Variants in STC1 observed in about 807,000 individuals in gnomAD.
STC1 encodes the protein stanniocalcin 1, also known as stanniocalcin-1.
In STC1, 7 loss-of-function variants were observed where a neutral mutation model predicts 22.6. The observed-to-expected ratio is 0.31, with a 90% CI of 0.18 to 0.58. The LOEUF (loss-of-function observed/expected upper bound fraction) is 0.58, where lower values mean the gene tolerates loss of function less well. Among genes scored for constraint, STC1 ranks in the 20% least tolerant of loss-of-function variants. The pLI is 0.89. For missense variants in STC1, 224 were observed against 311.0 expected, an observed-to-expected ratio of 0.72 and a Z score of 2.10; for synonymous variants, 113 against 120.7, an observed-to-expected ratio of 0.94 and a Z score of 0.42.
intron 2 of STC1, among the ~76,000 whole-genome samples, 194 bp downstream of exon 2, chr8:23,852,048 G>A (rs1802644017): frequency 1.3e-5 from 2 of 151,386 alleles, no homozygotes; most frequent in African/African-American, 4.9e-5. Flanking sequence ...CTGGCCAGAT[G>A]AGTGCCTCTG....
At chr8:23,847,523 A>G (rs1268606653) in intron 3 of STC1, among the ~76,000 whole-genome samples, 1 of 152,224 alleles carries the variant, frequency 6.6e-6, no homozygotes, top group African/African-American at 2.4e-5. Flanking sequence ...TATAAAACAA[A>G]GTCCATGTCT....
At chr8:23,853,139 T>G (rs73553083) in intron 1 of STC1, among the ~76,000 whole-genome samples, 1 of 152,238 alleles carries the variant, frequency 6.6e-6, no homozygotes, top group Non-Finnish European at 1.5e-5. Context: ...AAAACTTGCA[T>G]GAGGCTTTCT....
intron 3 of STC1, among the ~76,000 whole-genome samples, chr8:23,850,628 G>A (rs1802626832): frequency 6.6e-6 from 1 of 152,162 alleles, no homozygotes; most frequent in Admixed American, 6.5e-5. Flanking sequence ...TAGCTCAGTG[G>A]CCTTGGGTGG....
At position 23,854,390 on chromosome 8, in the gene STC1, T is replaced by C; in HGVS notation, c.118+16A>G. The C allele has an allele frequency of 6.2e-7, 1 of 1,610,932 alleles. No individual in the cohort carries two copies. The highest frequency in any genetic ancestry group is 8.5e-7 in the Non-Finnish European group (1 of 1,177,170). On this transcript the variant is annotated intron_variant, in intron 1 of 3. Coordinates refer to ENST00000290271, the MANE Select transcript of STC1 (RefSeq NM_003155.3). ...AGCTCTTTGGGGGAGAAACCGCTCT[T>C]GGGTTTGCTGCTTACCTGAGTTTTG...
chr8:23,853,980 A>C, intron 1 of STC1: 1 of 988,294 alleles, frequency 1.0e-6, no homozygotes. Flanking sequence ...AGAGAAGTCA[A>C]GAAGTGAAGA....
chr8:23,850,322 C>T (rs1294674299), intron 3 of STC1, among the ~76,000 whole-genome samples: 1 of 152,208 alleles, frequency 6.6e-6, no homozygotes, highest in East Asian at 1.9e-4. Flanking sequence ...GAGTAACATG[C>T]AAAGCACTGA....
intron 1 of STC1, chr8:23,854,145 C>A: frequency 7.8e-7 from 1 of 1,283,430 alleles, no homozygotes; most frequent in Non-Finnish European, 9.9e-7. Context: ...AGGGTACGTG[C>A]CAGATTTCAG....
Position 23,851,235 on chromosome 8 carries a change from T to G in STC1, c.473+85A>C. On this transcript the variant is annotated intron_variant, in intron 3 of 3. Transcript: ENST00000290271. The stretch of plus-strand genomic sequence containing the variant: ...TAAAATAAGAGCATGACTGTGGCAA[T>G]TTAACCCTCCCTCCCAGTCTGGCTC... 2.2e-6 allele frequency: 3 copies of G among 1,345,022 alleles called. No homozygotes were observed. The South Asian group carries it at 3.6e-5, about 16-fold the overall frequency. The allele number at this position is 1,345,022 out of a possible 1,614,324, so 83.3% of individuals were successfully genotyped here.
chr8:23,847,267 C>G (rs945560496), intron 3 of STC1, among the ~76,000 whole-genome samples: 1 of 152,208 alleles, frequency 6.6e-6, no homozygotes, highest in Non-Finnish European at 1.5e-5. Context: ...CAGGGCCATA[C>G]ATTTCCTTCA....
At chr8:23,854,373 G>T (rs184062047) in intron 1 of STC1, 33 bp downstream of exon 1, 11 of 1,577,734 alleles carry the variant, frequency 7.0e-6, no homozygotes, top group African/African-American at 2.7e-5. Flanking sequence ...ACAGCTCTTT[G>T]GGGGAGAAAC....
chr8:23,852,056 CTG>C lies in STC1; in HGVS notation c.261+184_261+185del, dbSNP rs111788542. ...CTATTTCCTGGCCAGATGAGTGCCT[CTG>C]TGTGTGTGTGTGTGTGTGTGTGTGC... On this transcript the variant is annotated intron_variant, in intron 2 of 3. Coordinates refer to ENST00000290271, the MANE Select transcript of STC1 (RefSeq NM_003155.3). Among the ~76,000 whole-genome samples, 956 of 146,368 alleles carry C rather than the reference CTG, an allele frequency of 6.5e-3. 3 individuals are homozygous for C. Among genetic ancestry groups the C allele is most frequent in the Middle Eastern group, 0.025 (7 of 282 alleles).
Position 23,854,540 on chromosome 8 carries a change from G to A in STC1, c.-17C>T, listed in dbSNP as rs200528839. The A allele has an allele frequency of 3.5e-5, 56 of 1,597,336 alleles. No homozygotes were observed. Among genetic ancestry groups the A allele is most frequent in the Middle Eastern group, 1.7e-4 (1 of 5,996 alleles). ...TTGGAGCATTCTCTGAGAAGTTTCC[G>A]CTAAGTTGTTGGGTTTTTTTTTTTT... On this transcript the variant is annotated 5_prime_UTR_variant, in exon 1 of 4. Transcript: ENST00000290271.
chr8:23,844,593 T>G lies in STC1; in HGVS notation c.*177A>C, dbSNP rs1484344701. 1 of 710,202 alleles carries G rather than the reference T, an allele frequency of 1.4e-6. No individual in the cohort carries two copies. 44.0% of individuals were successfully genotyped at this position (710,202 alleles called of 1,614,324 possible). On this transcript the variant is annotated 3_prime_UTR_variant, in exon 4 of 4. Transcript: ENST00000290271. ...ATTTTGTTGGTGGGAATGCTGCCAT[T>G]GCAGAATGTTGGGATATTGATTACA...
Position 23,843,698 on chromosome 8 carries a change from C to T in STC1, c.*1072G>A, listed in dbSNP as rs1217279896. ...GTGACAGAGATCTTTCAGTATAGGT[C>T]TAAGTCAAGAGTAGCCTCTGGGTTG... On this transcript the variant is annotated 3_prime_UTR_variant, in exon 4 of 4. Coordinates refer to ENST00000290271, the MANE Select transcript of STC1 (RefSeq NM_003155.3). 1.3e-5 allele frequency: 2 copies of T among 152,620 alleles called. No individual in the cohort carries two copies. The highest frequency in any genetic ancestry group is 2.9e-5 in the Non-Finnish European group (2 of 68,054). The allele number at this position is 152,620 out of a possible 1,614,324, so 9.5% of individuals were successfully genotyped here.
At position 23,844,304 on chromosome 8, in the gene STC1, T is replaced by C; in HGVS notation, c.*466A>G. 6.0e-6 allele frequency: 1 copy of C among 168,016 alleles called. No individual in the cohort carries two copies. Among genetic ancestry groups the C allele is most frequent in the Non-Finnish European group, 1.3e-5 (1 of 75,824 alleles). The allele number at this position is 168,016 out of a possible 1,614,324, so 10.4% of individuals were successfully genotyped here. On this transcript the variant is annotated 3_prime_UTR_variant, in exon 4 of 4. Coordinates refer to ENST00000290271, the MANE Select transcript of STC1 (RefSeq NM_003155.3). ...CAAATGTGACATTCATATTCGTCCA[T>C]GGCCAGCACAGATTCATAACACGAA...
At chr8:23,847,915 T>C (rs1169631241) in intron 3 of STC1, among the ~76,000 whole-genome samples, 1 of 152,222 alleles carries the variant, frequency 6.6e-6, no homozygotes, top group Non-Finnish European at 1.5e-5. Flanking sequence ...ATTTTTGGGT[T>C]GTGGCTATTT....
rs1413589006 is a variant in STC1, at chr8:23,851,629, C to A, written c.262-98G>T. 5 of 977,312 alleles carry A rather than the reference C, an allele frequency of 5.1e-6. No homozygotes were observed. The South Asian group carries it at 7.4e-5, about 15-fold the overall frequency. 60.5% of individuals were successfully genotyped at this position (977,312 alleles called of 1,614,324 possible). On this transcript the variant is annotated intron_variant, in intron 2 of 3. Transcript: ENST00000290271. ...AATTTAAGGGGGCTCATCTGGGCAA[C>A]GTATCATGGCCATCTGCATATCCTT...
intron 1 of STC1, chr8:23,853,941 A>G (rs1200091248): frequency 1.1e-5 from 9 of 833,122 alleles, no homozygotes; most frequent in Non-Finnish European, 1.3e-5. Context: ...CAGTCTGAAG[A>G]GGGAGCTTTT....
chr8:23,848,518 C>T lies in STC1; in HGVS notation c.473+2802G>A, dbSNP rs192791308. ...CTGTACTCCAGCCTGGGCAACAGAGCGATACTCTGTCAAAAAAAAAAAAAA... is the reference window on the plus strand; with the variant it reads ...CTGTACTCCAGCCTGGGCAACAGAGTGATACTCTGTCAAAAAAAAAAAAAA... On this transcript the variant is annotated intron_variant, in intron 3 of 3. Transcript: ENST00000290271. Among the ~76,000 whole-genome samples the T allele has an allele frequency of 1.8e-3, 195 of 110,690 alleles. No individual in the cohort carries two copies. The Middle Eastern group carries it at 0.028, about 16-fold the overall frequency. The allele number at this position is 110,690 out of a possible 152,430, so 72.6% of individuals were successfully genotyped here. A position where few individuals can be genotyped will look rare whatever the true frequency, so the allele number is the denominator to read the frequency against.
Sources: allele counts gnomAD v4.1 joint callset (sites outside exome capture counted in the v4.1 genomes callset), GRCh38; gene constraint gnomAD v4.1.1; transcripts MANE v1.5; gene names NCBI Gene and HGNC (gene_info 2026-07-23, HGNC 2026-07-21).